Variants in PTPRT observed in about 807,000 individuals in gnomAD.
PTPRT encodes the protein protein tyrosine phosphatase receptor type T.
A neutral mutation model predicts 176.8 loss-of-function variants in PTPRT; 56 were observed. The ratio of observed to expected loss-of-function variants is 0.32; its 90% CI spans 0.26 to 0.40. The LOEUF (loss-of-function observed/expected upper bound fraction) is 0.40, where lower values mean the gene tolerates loss of function less well. PTPRT is among the 10% of genes least tolerant of loss of function. The probability of loss-of-function intolerance (pLI) is 1.00; values close to 1 mark genes in which losing one functional copy is unlikely to be tolerated. For synonymous variants in PTPRT, 783 were observed against 739.0 expected (o/e 1.06, Z -0.96); for missense variants, 1,540 against 1,908.2 (o/e 0.81, Z 3.60).
intron 9 of PTPRT, among the ~76,000 whole-genome samples, chr20:42,431,201 A>G (rs2059213212): frequency 6.6e-6 from 1 of 152,320 alleles, no homozygotes; most frequent in African/African-American, 2.4e-5. Context: ...TATTAAACCA[A>G]TAAGATCATT....
chr20:42,059,965 C>T, the PTPRT span, among the ~76,000 whole-genome samples: 1 of 152,102 alleles, frequency 6.6e-6, no homozygotes, highest in Non-Finnish European at 1.5e-5. Flanking sequence ...TCTCCCAGGG[C>T]CCTTCTTGTC....
chr20:42,702,442 G>A (rs1171234501), intron 6 of PTPRT, among the ~76,000 whole-genome samples: 3 of 152,194 alleles, frequency 2.0e-5, no homozygotes, highest in Admixed American at 2.0e-4. Flanking sequence ...AGGCTGGGGT[G>A]AAAAGTCATT....
chr20:42,246,598 T>C (rs1309659859), intron 14 of PTPRT, among the ~76,000 whole-genome samples: 1 of 152,060 alleles, frequency 6.6e-6, no homozygotes. Context: ...TAAAGCCTTT[T>C]CCTCCCTCCC....
chr20:42,547,444 A>T (rs1240413063), intron 7 of PTPRT, among the ~76,000 whole-genome samples: 5 of 152,086 alleles, frequency 3.3e-5, no homozygotes, highest in African/African-American at 9.6e-5. Context: ...CACAGAAGGG[A>T]ATAGATGCAT....
intron 1 of PTPRT, among the ~76,000 whole-genome samples, chr20:43,136,232 T>G (rs1222742164): frequency 6.6e-6 from 1 of 152,222 alleles, no homozygotes; most frequent in Non-Finnish European, 1.5e-5. Context: ...AATGTCAGTT[T>G]CCTTTCCATC....
intron 7 of PTPRT, among the ~76,000 whole-genome samples, chr20:42,565,589 G>A (rs916489849): frequency 6.6e-6 from 1 of 152,124 alleles, no homozygotes; most frequent in East Asian, 1.9e-4. Flanking sequence ...CAGGTAGAAT[G>A]AACGAATTTG....
chr20:42,957,523 G>A, intron 1 of PTPRT, among the ~76,000 whole-genome samples: 1 of 152,096 alleles, frequency 6.6e-6, no homozygotes, highest in East Asian at 1.9e-4. Context: ...AGGAATAAGG[G>A]AAATCTTCTG....
intron 1 of PTPRT, among the ~76,000 whole-genome samples, chr20:43,066,978 ATAGAAATGTT>A (rs2011117898): frequency 6.6e-6 from 1 of 152,200 alleles, no homozygotes; most frequent in African/African-American, 2.4e-5. Flanking sequence ...CTGGCCCTTT[ATAGAAATGTT>A]TGCTGAGCCC....
intron 9 of PTPRT, among the ~76,000 whole-genome samples, chr20:42,437,500 A>G (rs1234661943): frequency 1.3e-5 from 2 of 152,212 alleles, no homozygotes; most frequent in Non-Finnish European, 1.5e-5. Flanking sequence ...AAAACAGAAC[A>G]AGAAAGCAGT....
intron 12 of PTPRT, among the ~76,000 whole-genome samples, chr20:42,288,403 C>T (rs2147077754): frequency 6.6e-6 from 1 of 152,012 alleles, no homozygotes; most frequent in Non-Finnish European, 1.5e-5. Context: ...AGGTTTGTTA[C>T]ATGAATATAT....
At chr20:42,245,375 C>A (rs1290820593) in intron 14 of PTPRT, among the ~76,000 whole-genome samples, 1 of 152,172 alleles carries the variant, frequency 6.6e-6, no homozygotes, top group Non-Finnish European at 1.5e-5. Context: ...AAAAAGAATT[C>A]TAAACTTTAA....
At chr20:42,750,011 T>C (rs1295407761) in intron 6 of PTPRT, among the ~76,000 whole-genome samples, 2 of 151,976 alleles carry the variant, frequency 1.3e-5, no homozygotes, top group Non-Finnish European at 1.5e-5. Flanking sequence ...AACTTGTAAA[T>C]GCTGAAAAAA....
intron 9 of PTPRT, among the ~76,000 whole-genome samples, chr20:42,393,091 C>T (rs747119236): frequency 6.6e-6 from 1 of 152,042 alleles, no homozygotes; most frequent in Non-Finnish European, 1.5e-5. Context: ...CTTCTCCATC[C>T]CCCTGTGTCT....
intron 7 of PTPRT, among the ~76,000 whole-genome samples, chr20:42,551,177 T>C (rs2072763952): frequency 6.6e-6 from 1 of 152,132 alleles, no homozygotes; most frequent in Admixed American, 6.6e-5. Flanking sequence ...AAGGGGTATG[T>C]TTTATGGATT....
chr20:42,176,039 C>T lies in PTPRT; in HGVS notation c.2492-14497G>A, dbSNP rs186050514. Among the ~76,000 whole-genome samples, 249 of 152,202 alleles carry T rather than the reference C, an allele frequency of 1.6e-3. 3 individuals are homozygous for T. The highest frequency in any genetic ancestry group is 6.8e-3 in the Middle Eastern group (2 of 294). ...GAACATACATCGTCTTCATGAATTACTATAGTTATTGAATAATAGTGAGAT... is the reference window on the plus strand; with the variant it reads ...GAACATACATCGTCTTCATGAATTATTATAGTTATTGAATAATAGTGAGAT... On this transcript the variant is annotated intron_variant, in intron 16 of 30. Transcript: ENST00000373187.
chr20:42,511,063 C>T (rs1280393985), intron 7 of PTPRT, among the ~76,000 whole-genome samples: 1 of 151,974 alleles, frequency 6.6e-6, no homozygotes, highest in Non-Finnish European at 1.5e-5. Context: ...AAGAGAGAGA[C>T]CTGAGGTAGC....
At chr20:42,730,380 G>T (rs1569117550) in intron 6 of PTPRT, among the ~76,000 whole-genome samples, 3 of 152,186 alleles carry the variant, frequency 2.0e-5, no homozygotes, top group Non-Finnish European at 4.4e-5. Flanking sequence ...AAAGCAGAAA[G>T]CAATAAGAGA....
intron 2 of PTPRT, among the ~76,000 whole-genome samples, chr20:42,807,921 C>T (rs966825962): frequency 5.9e-5 from 9 of 152,138 alleles, no homozygotes; most frequent in African/African-American, 2.2e-4. Context: ...TGATGCCCTG[C>T]CCAGGTCTCT....
intron 2 of PTPRT, among the ~76,000 whole-genome samples, chr20:42,843,896 G>A (rs960221336): frequency 1.3e-5 from 2 of 152,144 alleles, no homozygotes; most frequent in Non-Finnish European, 2.9e-5. Context: ...AACCAGCCAG[G>A]AAAAAATAAT....
Sources: gnomAD v4.1 joint callset for allele counts (sites outside exome capture counted in the v4.1 genomes callset) on GRCh38, gnomAD v4.1.1 for gene constraint, MANE v1.5 for transcripts, NCBI Gene and HGNC (gene_info 2026-07-23, HGNC 2026-07-21) for gene names.